MARCHF5: variants seen among roughly 807,000 people sequenced by gnomAD.
MARCHF5 encodes membrane associated ring-CH-type finger 5, also known as E3 ubiquitin-protein ligase MARCHF5.
Under a neutral mutation model 36.5 loss-of-function variants are expected in MARCHF5, and 5 were observed. That is an observed-to-expected ratio of 0.14 (90% CI 0.07 to 0.29). The LOEUF (loss-of-function observed/expected upper bound fraction) is 0.29. Among genes scored for constraint, MARCHF5 ranks in the 10% least tolerant of loss-of-function variants. The pLI is 1.00. For synonymous variants in MARCHF5, 103 were observed against 109.9 expected, an observed-to-expected ratio of 0.94 and a Z score of 0.39; for missense variants, 179 against 336.3, an observed-to-expected ratio of 0.53 and a Z score of 3.66.
chr10:92,353,895 G>A lies in MARCHF5; in HGVS notation c.*2688G>A, dbSNP rs1280867377. The A allele has an allele frequency of 2.6e-5, 4 of 152,446 alleles. 1 individual carries two copies. The highest frequency in any genetic ancestry group is 1.9e-4 in the East Asian group (1 of 5,198). 9.4% of individuals were successfully genotyped at this position (152,446 alleles called of 1,614,324 possible). ...TAACTTTGCTGTAATTTTTTTAAACGTCTTGTTTTTAATATAGCAAACTAT... is the reference window on the plus strand; with the variant it reads ...TAACTTTGCTGTAATTTTTTTAAACATCTTGTTTTTAATATAGCAAACTAT... On this transcript the variant is annotated 3_prime_UTR_variant, in exon 6 of 6. Coordinates refer to ENST00000358935, the MANE Select transcript of MARCHF5 (RefSeq NM_017824.5).
intron 5 of MARCHF5, among the ~76,000 whole-genome samples, chr10:92,350,638 A>C (rs553704384): frequency 1.3e-5 from 2 of 152,220 alleles, no homozygotes; most frequent in Non-Finnish European, 2.9e-5. Context: ...GATGGCCCCC[A>C]GCAAACCCTT....
intron 2 of MARCHF5, among the ~76,000 whole-genome samples, chr10:92,320,539 A>G (rs778876196): frequency 3.9e-5 from 6 of 152,180 alleles, no homozygotes; most frequent in South Asian, 2.1e-4. Context: ...ATGGAAGACA[A>G]TGATATTAAT....
chr10:92,294,613 G>T (rs1842927682), intron 1 of MARCHF5, among the ~76,000 whole-genome samples: 1 of 152,174 alleles, frequency 6.6e-6, no homozygotes, highest in African/African-American at 2.4e-5. Context: ...GTTTTTGGTG[G>T]CAATTTTTGA....
At chr10:92,318,766 TC>T (rs1377029608) in intron 2 of MARCHF5, among the ~76,000 whole-genome samples, 1 of 151,970 alleles carries the variant, frequency 6.6e-6, no homozygotes, top group Non-Finnish European at 1.5e-5. Context: ...TGGCACAATC[TC>T]GGCTCACTGC....
chr10:92,340,830 A>G (rs2135214596), intron 3 of MARCHF5, 27 bp downstream of exon 3: 2 of 1,551,328 alleles, frequency 1.3e-6, no homozygotes, highest in East Asian at 4.7e-5. Context: ...ATATAGTGAT[A>G]TTACTTGGTG....
intron 2 of MARCHF5, among the ~76,000 whole-genome samples, chr10:92,331,264 T>C (rs1239676023): frequency 2.0e-5 from 3 of 152,166 alleles, no homozygotes; most frequent in Non-Finnish European, 2.9e-5. Context: ...CTTCTTAGCA[T>C]GCCCTGCTTG....
chr10:92,319,725 G>A (rs1236231688), intron 2 of MARCHF5, among the ~76,000 whole-genome samples: 1 of 148,626 alleles, frequency 6.7e-6, no homozygotes, highest in Admixed American at 6.7e-5. Context: ...CGCAATCTCG[G>A]CTCACTGCAA....
chr10:92,299,615 T>C (rs1288896733), intron 1 of MARCHF5, among the ~76,000 whole-genome samples: 2 of 152,166 alleles, frequency 1.3e-5, no homozygotes, highest in Non-Finnish European at 2.9e-5. Context: ...TTATAGTGTA[T>C]CACATTGTAC....
At chr10:92,312,751 T>TA (rs1843159162) in intron 2 of MARCHF5, among the ~76,000 whole-genome samples, 1 of 152,242 alleles carries the variant, frequency 6.6e-6, no homozygotes, top group Non-Finnish European at 1.5e-5. Flanking sequence ...CAAAAATTAT[T>TA]ACAAGAATTC....
chr10:92,340,080 CAG>C (rs1843559860), intron 2 of MARCHF5, among the ~76,000 whole-genome samples: 1 of 152,050 alleles, frequency 6.6e-6, no homozygotes, highest in African/African-American at 2.4e-5. Flanking sequence ...TGAGTGAAGT[CAG>C]AGAAATGATA....
chr10:92,305,529 G>C (rs868630653), intron 1 of MARCHF5, among the ~76,000 whole-genome samples: 1 of 152,162 alleles, frequency 6.6e-6, no homozygotes, highest in Non-Finnish European at 1.5e-5. Context: ...ACAAAGTGCT[G>C]GGTACCCCCA....
intron 2 of MARCHF5, among the ~76,000 whole-genome samples, chr10:92,336,300 G>A (rs1223776240): frequency 6.6e-6 from 1 of 152,212 alleles, no homozygotes; most frequent in Non-Finnish European, 1.5e-5. Context: ...GCCTCCCAAA[G>A]TGCTGGGATT....
chr10:92,301,702 G>C (rs1843014059), intron 1 of MARCHF5, among the ~76,000 whole-genome samples: 1 of 152,232 alleles, frequency 6.6e-6, no homozygotes, highest in African/African-American at 2.4e-5. Context: ...AAATGGTGTA[G>C]TATTTGCATA....
intron 3 of MARCHF5, among the ~76,000 whole-genome samples, chr10:92,343,241 C>T (rs943217628): frequency 1.3e-5 from 2 of 152,194 alleles, no homozygotes; most frequent in Non-Finnish European, 2.9e-5. Context: ...TTCTAGTCTT[C>T]TGTGTACTTA....
intron 3 of MARCHF5, among the ~76,000 whole-genome samples, chr10:92,344,880 C>A (rs1403434956): frequency 6.6e-6 from 1 of 152,024 alleles, no homozygotes; most frequent in Non-Finnish European, 1.5e-5. Context: ...AGCACTGATG[C>A]ATTTAACCCT....
At chr10:92,348,600 C>T (rs762832227) in intron 3 of MARCHF5, among the ~76,000 whole-genome samples, 2 of 149,758 alleles carry the variant, frequency 1.3e-5, no homozygotes, top group African/African-American at 2.5e-5. Flanking sequence ...TTGTATTTCT[C>T]GCCTTCTGGG....
intron 3 of MARCHF5, 29 bp from the exon 4 acceptor site, chr10:92,349,320 A>T: frequency 6.7e-7 from 1 of 1,489,332 alleles, no homozygotes; most frequent in Non-Finnish European, 9.0e-7. Flanking sequence ...AAAAAGAAGT[A>T]ATTCTAATAT....
intron 2 of MARCHF5, among the ~76,000 whole-genome samples, chr10:92,317,167 C>T (rs1370833391): frequency 2.0e-5 from 3 of 152,022 alleles, no homozygotes; most frequent in African/African-American, 4.8e-5. Context: ...TGCAGTGGTG[C>T]GAAGTTGGCT....
At chr10:92,310,164 G>T (rs1334094434) in intron 1 of MARCHF5, among the ~76,000 whole-genome samples, 1 of 152,088 alleles carries the variant, frequency 6.6e-6, no homozygotes, top group African/African-American at 2.4e-5. Flanking sequence ...ACTGAGCATA[G>T]TTAAGCTAGT....
Sources: gnomAD v4.1 joint callset for allele counts (sites outside exome capture counted in the v4.1 genomes callset) on GRCh38, gnomAD v4.1.1 for gene constraint, MANE v1.5 for transcripts, NCBI Gene and HGNC (gene_info 2026-07-23, HGNC 2026-07-21) for gene names.